Variants in PCDHGA6 observed in about 807,000 individuals in gnomAD.
The protein encoded by PCDHGA6 is protocadherin gamma-A6.
Under a neutral mutation model 60.6 loss-of-function variants are expected in PCDHGA6, and 41 were observed. That is an observed-to-expected ratio of 0.68 (90% CI 0.53 to 0.88). The LOEUF (loss-of-function observed/expected upper bound fraction) is 0.88, where lower values mean the gene tolerates loss of function less well. Ranked by LOEUF, PCDHGA6 falls within the 40% of genes least tolerant of loss-of-function variation. The pLI, the probability that PCDHGA6 is intolerant of heterozygous loss-of-function variation, is 0.00. For synonymous variants in PCDHGA6, 594 were observed against 524.4 expected, an observed-to-expected ratio of 1.13 and a Z score of -1.81; for missense variants, 1,312 against 1,203.0, an observed-to-expected ratio of 1.09 and a Z score of -1.34.
chr5:141,494,781 C>T, intron 1 of PCDHGA6, 26 bp from the exon 2 acceptor site: 1 of 1,614,074 alleles, frequency 6.2e-7, no homozygotes, highest in African/African-American at 1.3e-5. Flanking sequence ...GGGTACTCAG[C>T]CCCTTTCCCT....
In PCDHGA6 at chr5:141,491,789, T is replaced by G; in HGVS notation, c.2425-3018T>G. The G allele has an allele frequency of 6.6e-7, 1 of 1,525,854 alleles. No individual in the cohort carries two copies. Among genetic ancestry groups the G allele is most frequent in the Non-Finnish European group, 8.8e-7 (1 of 1,137,340 alleles). The allele number at this position is 1,525,854 out of a possible 1,614,324, so 94.5% of individuals were successfully genotyped here. ...CATAAGGGATTGAACTTGCATCCAC[T>G]CCTCTCCGGCCGGCTTGGTCGCTGG... On this transcript the variant is annotated intron_variant, in intron 1 of 3. Transcript: ENST00000517434. The surrounding 1 kb of genome is among the most constrained non-coding windows in gnomAD (Gnocchi z 6.9).
rs758782567 is a variant in PCDHGA6, at chr5:141,486,792, G to A, written c.2425-8015G>A. ...CAGTTTGAGGTGCAGGCCCGGGATCGGGGCAACCCACCCCTTAGCAGCACT... is the reference window on the plus strand; with the variant it reads ...CAGTTTGAGGTGCAGGCCCGGGATCAGGGCAACCCACCCCTTAGCAGCACT... On this transcript the variant is annotated intron_variant, in intron 1 of 3. Coordinates refer to ENST00000517434, the MANE Select transcript of PCDHGA6 (RefSeq NM_018919.3). This position sits in a 1 kb window ranked among gnomAD's most constrained non-coding sequence, Gnocchi z 5.0. The A allele has an allele frequency of 3.7e-5, 59 of 1,614,094 alleles. No homozygotes were observed. The Middle Eastern group carries it at 4.9e-4, about 13-fold the overall frequency.
chr5:141,505,246 G>C, intron 2 of PCDHGA6, 147 bp from the exon 3 acceptor site: 2 of 1,436,674 alleles, frequency 1.4e-6, no homozygotes, highest in Non-Finnish European at 1.9e-6. Flanking sequence ...AAGGATTGTA[G>C]AAGTGCCTCC....
At chr5:141,422,721 G>A in intron 1 of PCDHGA6, 1 of 1,605,664 alleles carries the variant, frequency 6.2e-7, no homozygotes, top group East Asian at 2.2e-5. Flanking sequence ...ACACTGTCCA[G>A]GGGGTGCCTC....
intron 1 of PCDHGA6, chr5:141,418,347 G>C: frequency 6.2e-7 from 1 of 1,614,024 alleles, no homozygotes; most frequent in Non-Finnish European, 8.5e-7. Context: ...CCTGATATTA[G>C]TATGAATTCG....
At chr5:141,413,597 A>C in intron 1 of PCDHGA6, 2 of 1,613,888 alleles carry the variant, frequency 1.2e-6, no homozygotes, top group Non-Finnish European at 8.5e-7. Context: ...CAAGCAGAAA[A>C]TCTAGACGTA....
intron 1 of PCDHGA6, among the ~76,000 whole-genome samples, chr5:141,488,563 C>T (rs1352750895): frequency 1.3e-5 from 2 of 152,134 alleles, no homozygotes; most frequent in Admixed American, 6.6e-5. Flanking sequence ...TTGAGATTTC[C>T]GCAAAGCATT....
intron 1 of PCDHGA6, chr5:141,377,740 A>G (rs1017037020): frequency 9.9e-5 from 15 of 152,232 alleles, no homozygotes; most frequent in African/African-American, 3.6e-4. Context: ...ATCATTGGTA[A>G]CTGCAGCAGG....
intron 1 of PCDHGA6, among the ~76,000 whole-genome samples, chr5:141,405,721 A>G (rs1295046106): frequency 1.3e-5 from 2 of 151,702 alleles, no homozygotes; most frequent in African/African-American, 4.8e-5. Context: ...CAAGTGATCC[A>G]CCCACCTCAG....
chr5:141,478,711 T>A, intron 1 of PCDHGA6: 1 of 1,547,346 alleles, frequency 6.5e-7, no homozygotes, highest in Non-Finnish European at 8.7e-7. Flanking sequence ...CTTTGTGAGA[T>A]GGTGGCCTGC....
chr5:141,392,970 G>A (rs2092639280), intron 1 of PCDHGA6: 1 of 1,613,778 alleles, frequency 6.2e-7, no homozygotes, highest in Non-Finnish European at 8.5e-7. Flanking sequence ...CAAGGACCTG[G>A]GGCTGGACCC....
chr5:141,415,853 G>A, intron 1 of PCDHGA6: 1 of 1,186,350 alleles, frequency 8.4e-7, no homozygotes, highest in Non-Finnish European at 1.1e-6. Flanking sequence ...GCAGAACCTT[G>A]TAGTTTATAG....
chr5:141,394,929 G>C, intron 1 of PCDHGA6: 4 of 1,613,762 alleles, frequency 2.5e-6, no homozygotes, highest in Non-Finnish European at 3.4e-6. Flanking sequence ...TGTCTTCCTC[G>C]CCTTTGTCGC....
intron 1 of PCDHGA6, chr5:141,394,857 G>A: frequency 6.2e-7 from 1 of 1,613,832 alleles, no homozygotes; most frequent in Non-Finnish European, 8.5e-7. Context: ...GAAGCCTTCG[G>A]TCGACCCGAA....
intron 1 of PCDHGA6, among the ~76,000 whole-genome samples, chr5:141,439,689 A>G (rs1193986599): frequency 6.6e-6 from 1 of 152,218 alleles, no homozygotes; most frequent in Non-Finnish European, 1.5e-5. Flanking sequence ...CAGACCCACA[A>G]CATTCCTATT....
intron 1 of PCDHGA6, chr5:141,402,883 G>A (rs1418475947): frequency 6.7e-7 from 1 of 1,483,116 alleles, no homozygotes; most frequent in South Asian, 1.4e-5. Flanking sequence ...ACTTTGCAGG[G>A]TGGAAGAAAG....
At position 141,374,478 on chromosome 5, in the gene PCDHGA6, G is replaced by C. The variant is rs781173070; in HGVS notation, c.395G>C (p.Arg132Pro). The C allele has an allele frequency of 6.2e-7, 1 of 1,611,820 alleles. No individual in the cohort carries two copies. Among genetic ancestry groups the C allele is most frequent in the African/African-American group, 1.3e-5 (1 of 75,004 alleles). Residue 132 changes from arginine to proline, a missense_variant, in exon 1 of 4, where the codon CGA (arginine) becomes CCA (proline). By Grantham distance (103) the Arg-to-Pro change is moderately radical. Coordinates refer to ENST00000517434, the MANE Select transcript of PCDHGA6 (RefSeq NM_018919.3). ...GTGGACATTAATGACAATACACCCC[G>C]ATTCTTAAAGGAAGAATTGGAAGTG... is the stretch of plus-strand genomic sequence containing the variant. ...EIVDINDNTPRFLKEELEVKI... is the reference protein window; with the variant it reads ...EIVDINDNTPPFLKEELEVKI...
In PCDHGA6 at chr5:141,490,912, AATG is replaced by A; in HGVS notation, c.2425-3892_2425-3890del. 6.2e-7 allele frequency: 1 copy of A among 1,613,644 alleles called. No homozygotes were observed. Among genetic ancestry groups the A allele is most frequent in the Non-Finnish European group, 8.5e-7 (1 of 1,179,684 alleles). On this transcript the variant is annotated intron_variant, in intron 1 of 3. Transcript: ENST00000517434. This position sits in a 1 kb window ranked among gnomAD's most constrained non-coding sequence, Gnocchi z 5.4. ...TCTGCATGTGTTTGTCCTAGACGAG[AATG>A]ATAATGCCCCAGCTGTGCTGCACCC...
chr5:141,389,411 CG>C, intron 1 of PCDHGA6: 2 of 1,613,568 alleles, frequency 1.2e-6, no homozygotes, highest in South Asian at 2.2e-5. Flanking sequence ...GCGCGGAGAG[CG>C]GGGTGGTGTT....
Sources: allele counts gnomAD v4.1 joint callset (sites outside exome capture counted in the v4.1 genomes callset), GRCh38; gene constraint gnomAD v4.1.1; non-coding constraint Gnocchi (gnomAD v3.1); transcripts MANE v1.5; gene names NCBI Gene and HGNC (gene_info 2026-07-23, HGNC 2026-07-21).